ZNF274: variants seen among roughly 807,000 people sequenced by gnomAD.
ZNF274 encodes the protein zinc finger protein 274.
In ZNF274, 23 loss-of-function variants were observed where a neutral mutation model predicts 42.5. The observed-to-expected ratio is 0.54, with a 90% CI of 0.39 to 0.77. ZNF274 has a LOEUF of 0.77. Ranked by LOEUF, ZNF274 falls within the 30% of genes least tolerant of loss-of-function variation. The probability of loss-of-function intolerance (pLI) is 0.00; values close to 1 mark genes in which losing one functional copy is unlikely to be tolerated. For synonymous variants in ZNF274, 292 were observed against 305.4 expected, an observed-to-expected ratio of 0.96 and a Z score of 0.46; for missense variants, 679 against 806.5, an observed-to-expected ratio of 0.84 and a Z score of 1.91.
chr19:58,206,818 G>A lies in ZNF274; in HGVS notation c.355G>A (p.Glu119Lys), dbSNP rs1172146895. ...TGTTGAGGTCCTCACACTGAACCAG[G>A]AGGTGGCTGGTCCCCGGAATGCCCA... Reference protein sequence around the residue: ...EVVEVLTLNQEVAGPRNAQIQ... With the variant: ...EVVEVLTLNQKVAGPRNAQIQ... The change falls in exon 5 of 8, where the codon GAG (glutamate) becomes AAG (lysine). Residue 119 changes from glutamate to lysine, a missense_variant. Glu to Lys is a moderately conservative substitution (Grantham distance 56). Transcript: ENST00000617501. The A allele has an allele frequency of 3.1e-6, 5 of 1,613,980 alleles. No homozygotes were observed. The highest frequency in any genetic ancestry group is 4.2e-6 in the Non-Finnish European group (5 of 1,179,880).
intron 2 of ZNF274, 53 bp from the exon 3 acceptor site, chr19:58,185,659 C>G: frequency 1.4e-6 from 2 of 1,384,050 alleles, no homozygotes; most frequent in Non-Finnish European, 1.9e-6. Context: ...CCCTGTCTTT[C>G]TTTTGTCGTG....
intron 4 of ZNF274, among the ~76,000 whole-genome samples, chr19:58,190,448 G>C (rs982424642): frequency 1.3e-5 from 2 of 152,100 alleles, no homozygotes; most frequent in Non-Finnish European, 2.9e-5. Context: ...AAAGTTTCTA[G>C]GTTTTGATGA....
intron 4 of ZNF274, 79 bp from the exon 5 acceptor site, chr19:58,206,641 A>C (rs1183544265): frequency 3.4e-6 from 5 of 1,461,142 alleles, no homozygotes; most frequent in African/African-American, 2.8e-5. Context: ...TTTGACTTGC[A>C]TTTCCCTAGT....
intron 4 of ZNF274, among the ~76,000 whole-genome samples, chr19:58,204,062 A>C (rs956460131): frequency 6.6e-6 from 1 of 152,200 alleles, no homozygotes; most frequent in African/African-American, 2.4e-5. Context: ...GGAAGCCCAG[A>C]CAGACCAGGG....
chr19:58,213,401 G>T lies in ZNF274; in HGVS notation c.*258G>T. 2.4e-6 allele frequency: 1 copy of T among 410,450 alleles called. No homozygotes were observed. Among genetic ancestry groups the T allele is most frequent in the Non-Finnish European group, 4.3e-6 (1 of 234,010 alleles). 25.4% of individuals were successfully genotyped at this position (410,450 alleles called of 1,614,324 possible). A position where few individuals can be genotyped will look rare whatever the true frequency, so the allele number is the denominator to read the frequency against. ...TTGTTCACTCATTTAGTCATTAAAA[G>T]TGAGATTAATAAAATCTGAAAATGT... On this transcript the variant is annotated 3_prime_UTR_variant, in exon 8 of 8. Transcript: ENST00000617501.
At chr19:58,206,464 A>G (rs1435260527) in intron 4 of ZNF274, among the ~76,000 whole-genome samples, 1 of 152,172 alleles carries the variant, frequency 6.6e-6, no homozygotes, top group African/African-American at 2.4e-5. Flanking sequence ...ATGGATAACT[A>G]TGTGTTTAAC....
chr19:58,206,851 G>A lies in ZNF274; in HGVS notation c.388G>A (p.Ala130Thr). ...TGGTCCCCGGAATGCCCAGATCCAG[G>A]CCCTATATGCTGAAGATGGAAGCCT... The part of the protein sequence containing the change: ...VAGPRNAQIQ[A>T]LYAEDGSLSA... The change falls in exon 5 of 8, where the codon GCC becomes ACC. Residue 130 changes from alanine (A) to threonine (T), a missense_variant. Ala to Thr is a moderately conservative substitution (Grantham distance 58). Coordinates refer to ENST00000617501, the MANE Select transcript of ZNF274 (RefSeq NM_133502.3). 1 of 1,613,982 alleles carries A rather than the reference G, an allele frequency of 6.2e-7. No homozygotes were observed. The highest frequency in any genetic ancestry group is 8.5e-7 in the Non-Finnish European group (1 of 1,179,874).
chr19:58,189,862 C>T (rs1182342644), intron 4 of ZNF274, among the ~76,000 whole-genome samples: 2 of 152,134 alleles, frequency 1.3e-5, no homozygotes, highest in Non-Finnish European at 2.9e-5. Context: ...CGGTGGCTCA[C>T]ACCTGTAATC....
intron 4 of ZNF274, among the ~76,000 whole-genome samples, chr19:58,198,552 A>G (rs1164596683): frequency 2.0e-5 from 3 of 152,168 alleles, no homozygotes; most frequent in Admixed American, 6.5e-5. Flanking sequence ...TCAGTTGATC[A>G]TCAGTGGAAA....
At position 58,205,007 on chromosome 19, in the gene ZNF274, C is replaced by G. The variant is rs556186767; in HGVS notation, c.257-1713C>G. ...AGTAAAAGGGTATATTGGCAGTCAT[C>G]TAAGTCCTGAGCTGTGCTTGTTGCC... is the stretch of plus-strand genomic sequence containing the variant. On this transcript the variant is annotated intron_variant, in intron 4 of 7. Coordinates refer to ENST00000617501, the MANE Select transcript of ZNF274 (RefSeq NM_133502.3). Among the ~76,000 whole-genome samples, 4 of 152,346 alleles carry G rather than the reference C, an allele frequency of 2.6e-5. 1 individual carries two copies. The South Asian group carries it at 8.3e-4, about 32-fold the overall frequency.
chr19:58,185,750 C>G lies in ZNF274; in HGVS notation c.72C>G (p.Thr24=), dbSNP rs762539901. Residue 24 remains threonine (T), a synonymous_variant, in exon 3 of 8, where the codon ACC becomes ACG. Coordinates refer to ENST00000617501, the MANE Select transcript of ZNF274 (RefSeq NM_133502.3). ...TTGAAGATGTAACACTGGGTTTTAC[C>G]CCGGAAGAGTGGGGACTGCTGGACC... ...VTFEDVTLGF[T]PEEWGLLDLK... 6.8e-7 allele frequency: 1 copy of G among 1,462,152 alleles called. No homozygotes were observed. The allele number at this position is 1,462,152 out of a possible 1,614,324, so 90.6% of individuals were successfully genotyped here.
At chr19:58,189,359 A>G (rs959442669) in intron 4 of ZNF274, among the ~76,000 whole-genome samples, 2 of 152,330 alleles carry the variant, frequency 1.3e-5, no homozygotes, top group South Asian at 2.1e-4. Context: ...GCTGCGCTCA[A>G]GCAGTCCTCC....
chr19:58,188,115 A>G lies in ZNF274; in HGVS notation c.256+1073A>G, dbSNP rs150211181. ...AATTTACTGCAGAAAACTTCCTTGC[A>G]TACTTTTTTTTTGCACGAACAAGTT... On this transcript the variant is annotated intron_variant, in intron 4 of 7. Coordinates refer to ENST00000617501, the MANE Select transcript of ZNF274 (RefSeq NM_133502.3). Among the ~76,000 whole-genome samples, 4 of 152,228 alleles carry G rather than the reference A, an allele frequency of 2.6e-5. No individual in the cohort carries two copies. The East Asian group carries it at 7.7e-4, about 29-fold the overall frequency.
At position 58,188,687 on chromosome 19, in the gene ZNF274, T is replaced by C. The variant is rs867522966; in HGVS notation, c.256+1645T>C. Among the ~76,000 whole-genome samples, 724 of 72,418 alleles carry C rather than the reference T, an allele frequency of 1.0e-2. 14 individuals carry two copies. The highest frequency in any genetic ancestry group is 0.037 in the African/African-American group (675 of 18,068). The allele number at this position is 72,418 out of a possible 152,430, so 47.5% of individuals were successfully genotyped here. ...GTGTGTGTGTGTGTGTATATATATA[T>C]GTATATGTATATATATATATATATA... On this transcript the variant is annotated intron_variant, in intron 4 of 7. Coordinates refer to ENST00000617501, the MANE Select transcript of ZNF274 (RefSeq NM_133502.3).
intron 4 of ZNF274, among the ~76,000 whole-genome samples, chr19:58,205,196 T>G (rs1030520803): frequency 1.3e-5 from 2 of 152,254 alleles, no homozygotes. Flanking sequence ...TAGTTCATGC[T>G]GAGCTACTTC....
intron 4 of ZNF274, among the ~76,000 whole-genome samples, chr19:58,188,605 CAA>C (rs1163562490): frequency 0.047 from 2,269 of 48,580 alleles, 16 homozygotes; most frequent in Non-Finnish European, 0.057. Context: ...GACTCCATCT[CAA>C]AAAAAAAAAA....
intron 4 of ZNF274, chr19:58,202,356 G>T (rs1273217819): frequency 6.6e-6 from 1 of 152,280 alleles, no homozygotes; most frequent in Admixed American, 6.5e-5. Flanking sequence ...GAAAGCAGCA[G>T]CTCCCATCAA....
At chr19:58,209,809 C>G (rs964017308) in intron 5 of ZNF274, 152 bp from the exon 6 acceptor site, 94 of 580,024 alleles carry the variant, frequency 1.6e-4, no homozygotes, top group Non-Finnish European at 5.9e-5. Context: ...GGGAGCAGAG[C>G]TGGTGGGAAG....
Position 58,206,776 on chromosome 19 carries a change from C to G in ZNF274, c.313C>G (p.Leu105Val). The change falls in exon 5 of 8, where the codon CTA becomes GTA. Residue 105 changes from leucine (L) to valine (V), a missense_variant. By Grantham distance (32) the Leu-to-Val change is conservative (BLOSUM62 1). Transcript: ENST00000617501. ...KLDPLPAESPLMNIEVVEVLT... is the reference protein window; with the variant it reads ...KLDPLPAESPVMNIEVVEVLT... Reference sequence around the variant, plus strand: ...GGATCCTCTTCCTGCTGAGAGTCCCCTAATGAACATTGAGGTTGTTGAGGT... The same window carrying G: ...GGATCCTCTTCCTGCTGAGAGTCCCGTAATGAACATTGAGGTTGTTGAGGT... The G allele has an allele frequency of 6.2e-7, 1 of 1,612,666 alleles. No individual in the cohort carries two copies. The highest frequency in any genetic ancestry group is 8.5e-7 in the Non-Finnish European group (1 of 1,179,398).
Sources: gnomAD v4.1 joint callset for allele counts (sites outside exome capture counted in the v4.1 genomes callset) on GRCh38, gnomAD v4.1.1 for gene constraint, MANE v1.5 for transcripts, NCBI Gene and HGNC (gene_info 2026-07-23, HGNC 2026-07-21) for gene names.